The following REEP3 variants were observed in gnomAD, a reference collection of about 807,000 sequenced individuals.
The protein encoded by REEP3 is receptor expression-enhancing protein 3.
REEP3 carries 20 observed loss-of-function variants against 41.3 expected under a neutral mutation model. The ratio of observed to expected loss-of-function variants is 0.48; its 90% CI spans 0.34 to 0.70. REEP3 has a LOEUF of 0.70. Among genes scored for constraint, REEP3 ranks in the 30% least tolerant of loss-of-function variants. The pLI is 0.01. For missense variants in REEP3, 271 were observed against 308.8 expected (o/e 0.88, Z 0.92); for synonymous variants, 104 against 101.8 (o/e 1.02, Z -0.13).
intron 5 of REEP3, among the ~76,000 whole-genome samples, chr10:63,605,705 TACTC>T (rs1233790961): frequency 6.6e-6 from 1 of 152,244 alleles, no homozygotes; most frequent in Non-Finnish European, 1.5e-5. Flanking sequence ...AAATTGGAAT[TACTC>T]ATACATGCAG....
chr10:63,602,797 C>A (rs193056663), intron 5 of REEP3, among the ~76,000 whole-genome samples: 6 of 152,142 alleles, frequency 3.9e-5, no homozygotes, highest in Non-Finnish European at 8.8e-5. Flanking sequence ...TCTTACACTT[C>A]GCCTCCATTG....
At chr10:63,594,439 CT>C (rs1386578146) in intron 2 of REEP3, among the ~76,000 whole-genome samples, 1 of 152,120 alleles carries the variant, frequency 6.6e-6, no homozygotes, top group African/African-American at 2.4e-5. Context: ...TAGATAACGT[CT>C]TTTAAAGAAC....
chr10:63,521,884 G>A (rs1955264076), intron 1 of REEP3: 1 of 156,390 alleles, frequency 6.4e-6, no homozygotes, highest in South Asian at 1.9e-4. Context: ...TGGGTGGGCA[G>A]GCGCTCAGGG....
At chr10:63,593,020 C>G (rs941571267) in intron 2 of REEP3, among the ~76,000 whole-genome samples, 9 of 147,076 alleles carry the variant, frequency 6.1e-5, no homozygotes, top group Admixed American at 4.8e-4. Flanking sequence ...CTTTTAGAAA[C>G]AGGTAGGGAG....
intron 2 of REEP3, among the ~76,000 whole-genome samples, chr10:63,577,875 T>G (rs1253301946): frequency 6.6e-6 from 1 of 152,156 alleles, no homozygotes; most frequent in Non-Finnish European, 1.5e-5. Context: ...TTACTACTCA[T>G]CCATTTCCTT....
intron 5 of REEP3, among the ~76,000 whole-genome samples, chr10:63,609,141 A>C (rs571381813): frequency 1.3e-5 from 2 of 152,226 alleles, no homozygotes; most frequent in African/African-American, 4.8e-5. Context: ...AAACAATGTC[A>C]TGTCTCTTTT....
chr10:63,552,684 G>T (rs1955640716), intron 1 of REEP3, among the ~76,000 whole-genome samples: 1 of 152,062 alleles, frequency 6.6e-6, no homozygotes, highest in Admixed American at 6.5e-5. Context: ...GTTTCTTTAG[G>T]GAGGAAAAAA....
At chr10:63,583,963 T>A (rs889035257) in intron 2 of REEP3, among the ~76,000 whole-genome samples, 1 of 152,220 alleles carries the variant, frequency 6.6e-6, no homozygotes, top group Non-Finnish European at 1.5e-5. Flanking sequence ...TAACACTTCT[T>A]TTAAATTAAT....
At chr10:63,611,494 A>C (rs552312395) in intron 6 of REEP3, among the ~76,000 whole-genome samples, 1 of 152,342 alleles carries the variant, frequency 6.6e-6, no homozygotes, top group East Asian at 1.9e-4. Flanking sequence ...TTAAAAAACT[A>C]TCATGATCTT....
chr10:63,547,804 C>G (rs1955592663), intron 1 of REEP3, among the ~76,000 whole-genome samples: 1 of 152,202 alleles, frequency 6.6e-6, no homozygotes, highest in South Asian at 2.1e-4. Flanking sequence ...TGCATAACCT[C>G]TTTATTAAGA....
rs1955560649 is a variant in REEP3, at chr10:63,544,678, G to A, written c.33-21660G>A. 3.3e-5 allele frequency among the ~76,000 whole-genome samples: 5 copies of A among 152,226 alleles called. No individual in the cohort carries two copies. The South Asian group carries it at 1.0e-3, about 32-fold the overall frequency. On this transcript the variant is annotated intron_variant, in intron 1 of 7. Transcript: ENST00000373758. ...TACACAGAAGCAGATGGGATGTTAGGGCAATGCTTTCATTTTAATTTGGAT... is the reference window on the plus strand; with the variant it reads ...TACACAGAAGCAGATGGGATGTTAGAGCAATGCTTTCATTTTAATTTGGAT...
intron 2 of REEP3, among the ~76,000 whole-genome samples, chr10:63,570,467 G>A (rs1955842567): frequency 6.6e-6 from 1 of 152,172 alleles, no homozygotes; most frequent in Non-Finnish European, 1.5e-5. Context: ...AACTTTGATT[G>A]TAAGTTTAGG....
rs1956353807 is a variant in REEP3, at chr10:63,621,570, C to G, written c.*701C>G. The G allele has an allele frequency of 6.6e-6, 1 of 152,486 alleles. No homozygotes were observed. The highest frequency in any genetic ancestry group is 2.1e-4 in the South Asian group (1 of 4,824). The allele number at this position is 152,486 out of a possible 1,614,324, so 9.4% of individuals were successfully genotyped here. A position where few individuals can be genotyped will look rare whatever the true frequency, so the allele number is the denominator to read the frequency against. ...GCCTTGAATTATATCATCTCTTTTC[C>G]TGTGGGTTTCATTTGTTAAATTCAT... On this transcript the variant is annotated 3_prime_UTR_variant, in exon 8 of 8. Transcript: ENST00000373758.
At chr10:63,607,122 A>G (rs1165823328) in intron 5 of REEP3, among the ~76,000 whole-genome samples, 1 of 152,242 alleles carries the variant, frequency 6.6e-6, no homozygotes, top group Non-Finnish European at 1.5e-5. Context: ...TACATTGGAT[A>G]CATGTAATTT....
intron 1 of REEP3, among the ~76,000 whole-genome samples, chr10:63,539,313 A>G (rs374046163): frequency 6.6e-6 from 1 of 152,222 alleles, no homozygotes; most frequent in East Asian, 1.9e-4. Context: ...ACTTTCTGAT[A>G]AACAGGCAAA....
At chr10:63,538,881 C>T (rs1165620314) in intron 1 of REEP3, among the ~76,000 whole-genome samples, 5 of 152,130 alleles carry the variant, frequency 3.3e-5, no homozygotes, top group Non-Finnish European at 7.3e-5. Context: ...ATTTATTTGG[C>T]CTGTGAGACT....
chr10:63,521,453 G>T lies in REEP3; in HGVS notation c.-93G>T. On this transcript the variant is annotated 5_prime_UTR_variant, in exon 1 of 8. Transcript: ENST00000373758. Reference sequence around the variant, plus strand: ...CCAGCGCGGCCCCGGGGAGCGCGAGGAGCCGGCGAAGCGCGCGGCCTGCCG... The same window carrying T: ...CCAGCGCGGCCCCGGGGAGCGCGAGTAGCCGGCGAAGCGCGCGGCCTGCCG... The T allele has an allele frequency of 2.7e-6, 2 of 754,064 alleles. No homozygotes were observed. Among genetic ancestry groups the T allele is most frequent in the South Asian group, 9.5e-5 (2 of 20,968 alleles). 46.7% of individuals were successfully genotyped at this position (754,064 alleles called of 1,614,324 possible).
At chr10:63,532,990 T>C (rs1589856788) in intron 1 of REEP3, among the ~76,000 whole-genome samples, 2 of 152,218 alleles carry the variant, frequency 1.3e-5, no homozygotes, top group African/African-American at 2.4e-5. Flanking sequence ...TTTTCTGTTA[T>C]TGTGAATCCA....
At chr10:63,536,291 T>C (rs1267186274) in intron 1 of REEP3, among the ~76,000 whole-genome samples, 1 of 152,226 alleles carries the variant, frequency 6.6e-6, no homozygotes, top group Admixed American at 6.5e-5. Flanking sequence ...TAATAATTTC[T>C]ATGTGTTTCA....
Sources: gnomAD v4.1 joint callset for allele counts (sites outside exome capture counted in the v4.1 genomes callset) on GRCh38, gnomAD v4.1.1 for gene constraint, MANE v1.5 for transcripts, NCBI Gene and HGNC (gene_info 2026-07-23, HGNC 2026-07-21) for gene names.